Variants in MYO3B observed in about 807,000 individuals in gnomAD.
MYO3B encodes myosin IIIB.
In MYO3B, 156 loss-of-function variants were observed where a neutral mutation model predicts 174.6. The ratio of observed to expected loss-of-function variants is 0.89; its 90% CI spans 0.78 to 1.02. The LOEUF (loss-of-function observed/expected upper bound fraction) is 1.02. MYO3B is among the 50% of genes least tolerant of loss of function. The pLI, the probability that MYO3B is intolerant of heterozygous loss-of-function variation, is 0.00. For synonymous variants in MYO3B, 563 were observed against 569.1 expected (o/e 0.99, Z 0.15); for missense variants, 1,632 against 1,639.4 (o/e 1.00, Z 0.08).
At chr2:170,601,586 G>GA (rs36064306) in intron 32 of MYO3B, 3 of 1,094,728 alleles carry the variant, frequency 2.7e-6, no homozygotes, top group Non-Finnish European at 2.8e-6. Flanking sequence ...TATAGACAAG[G>GA]AAAAAAACTA....
intron 25 of MYO3B, among the ~76,000 whole-genome samples, chr2:170,468,712 G>T (rs1480858029): frequency 6.6e-6 from 1 of 152,188 alleles, no homozygotes; most frequent in African/African-American, 2.4e-5. Context: ...GGAAATGCTG[G>T]AGCCACACTG....
At chr2:170,426,487 C>G (rs971106348) in intron 22 of MYO3B, among the ~76,000 whole-genome samples, 1 of 151,444 alleles carries the variant, frequency 6.6e-6, no homozygotes, top group Non-Finnish European at 1.5e-5. Context: ...AGGCACCCAC[C>G]ACCATGCCCG....
intron 2 of MYO3B, 32 bp downstream of exon 2, chr2:170,199,423 T>G: frequency 6.5e-7 from 1 of 1,526,952 alleles, no homozygotes; most frequent in Non-Finnish European, 8.9e-7. Context: ...TAACCAGAAT[T>G]TGGTGTTTTA....
chr2:170,245,919 T>A (rs2105319832), intron 7 of MYO3B, among the ~76,000 whole-genome samples: 1 of 152,204 alleles, frequency 6.6e-6, no homozygotes, highest in East Asian at 1.9e-4. Context: ...CCCTAGAACT[T>A]AAAGTATAAT....
At chr2:170,496,694 G>C (rs922195014) in intron 25 of MYO3B, among the ~76,000 whole-genome samples, 2 of 151,470 alleles carry the variant, frequency 1.3e-5, no homozygotes, top group African/African-American at 2.4e-5. Flanking sequence ...ACCCAGGCTA[G>C]AGTGCAGTGG....
rs1224944106 is a variant in MYO3B, at chr2:170,648,753, TTA to T, written c.3734-2868_3734-2867del. Reference sequence around the variant, plus strand: ...TATATATTATATTCTATATAATGTATTATATATAGAATATAATATATTCTATG... The same window carrying T: ...TATATATTATATTCTATATAATGTATTATATAGAATATAATATATTCTATG... On this transcript the variant is annotated intron_variant, in intron 32 of 34. Transcript: ENST00000408978. 3.4e-3 allele frequency among the ~76,000 whole-genome samples: 362 copies of T among 107,288 alleles called. 2 individuals carry two copies. The highest frequency in any genetic ancestry group is 5.7e-3 in the African/African-American group (165 of 29,062). The allele number at this position is 107,288 out of a possible 152,430, so 70.4% of individuals were successfully genotyped here. A position where few individuals can be genotyped will look rare whatever the true frequency, so the allele number is the denominator to read the frequency against.
intron 7 of MYO3B, among the ~76,000 whole-genome samples, chr2:170,266,943 G>A (rs1224902561): frequency 2.6e-5 from 4 of 152,116 alleles, no homozygotes; most frequent in African/African-American, 9.7e-5. Flanking sequence ...AAGTTTACAG[G>A]TAATTAGAAT....
rs1418743891 is a variant in MYO3B at position 170,236,016 on chromosome 2, A to T, written c.629A>T (p.Asp210Val). ...PEVIACEQQY[D>V]SSYDARCDVW... ...GTCATTGCCTGTGAGCAGCAGTATG[A>T]CTCTTCCTATGACGCTCGCTGTGAC... The change falls in exon 7 of 35, where the codon GAC becomes GTC. Residue 210 changes from aspartate to valine, a missense_variant. By Grantham distance (152) the Asp-to-Val change is radical (BLOSUM62 -3). Coordinates refer to ENST00000408978, the MANE Select transcript of MYO3B (RefSeq NM_138995.5). 6.2e-7 allele frequency: 1 copy of T among 1,613,760 alleles called. No individual in the cohort carries two copies. The highest frequency in any genetic ancestry group is 2.2e-5 in the East Asian group (1 of 44,848).
chr2:170,552,580 GA>G (rs1242695344), intron 32 of MYO3B, among the ~76,000 whole-genome samples: 2 of 152,200 alleles, frequency 1.3e-5, no homozygotes, highest in Non-Finnish European at 2.9e-5. Flanking sequence ...GAAATGACCT[GA>G]AACTAGAACG....
intron 32 of MYO3B, among the ~76,000 whole-genome samples, chr2:170,611,908 A>G (rs564660833): frequency 2.6e-5 from 4 of 152,264 alleles, no homozygotes; most frequent in African/African-American, 9.6e-5. Flanking sequence ...TCACAGATCA[A>G]TTTTTGAATC....
At chr2:170,288,518 T>G (rs2105411291) in intron 7 of MYO3B, among the ~76,000 whole-genome samples, 1 of 152,212 alleles carries the variant, frequency 6.6e-6, no homozygotes, top group East Asian at 1.9e-4. Context: ...TTGATTTTTT[T>G]GTTTGCTCTT....
intron 3 of MYO3B, among the ~76,000 whole-genome samples, chr2:170,212,174 C>G (rs1468229656): frequency 6.7e-6 from 1 of 149,018 alleles, no homozygotes; most frequent in Non-Finnish European, 1.5e-5. Context: ...ACCCAGGGGG[C>G]GGAGTTTGTG....
chr2:170,640,308 A>T (rs1490278793), intron 32 of MYO3B: 1 of 152,268 alleles, frequency 6.6e-6, no homozygotes, highest in African/African-American at 2.4e-5. Flanking sequence ...AAGAAATACA[A>T]CAGCCCCTTC....
At chr2:170,598,809 A>C (rs1473734561) in intron 32 of MYO3B, among the ~76,000 whole-genome samples, 1 of 152,238 alleles carries the variant, frequency 6.6e-6, no homozygotes, top group Non-Finnish European at 1.5e-5. Flanking sequence ...TAACAGTACA[A>C]ATCTTTCAGA....
At chr2:170,594,421 A>G (rs1023312102) in intron 32 of MYO3B, among the ~76,000 whole-genome samples, 1 of 152,198 alleles carries the variant, frequency 6.6e-6, no homozygotes, top group South Asian at 2.1e-4. Context: ...TACAGGTTAC[A>G]TGATTTTAGT....
chr2:170,217,568 A>C (rs1422604745), intron 6 of MYO3B, among the ~76,000 whole-genome samples, 173 bp downstream of exon 6: 1 of 152,252 alleles, frequency 6.6e-6, no homozygotes, highest in Non-Finnish European at 1.5e-5. Context: ...ATGTAACCTC[A>C]GAAAAGCAAG....
In MYO3B at chr2:170,546,596, C is replaced by A. The variant is rs1448002329; in HGVS notation, c.3733+2608C>A. Reference sequence around the variant, plus strand: ...GTTTAGACATGAAGACGTGAGAAAACACTATATGTAAATCGAATTCCCCTT... The same window carrying A: ...GTTTAGACATGAAGACGTGAGAAAAAACTATATGTAAATCGAATTCCCCTT... On this transcript the variant is annotated intron_variant, in intron 32 of 34. Transcript: ENST00000408978. 2.6e-5 allele frequency among the ~76,000 whole-genome samples: 4 copies of A among 152,218 alleles called. No individual in the cohort carries two copies. In the East Asian group the frequency reaches 7.7e-4, roughly 29 times the overall value.
intron 16 of MYO3B, among the ~76,000 whole-genome samples, chr2:170,393,675 G>A (rs2094428059): frequency 6.6e-6 from 1 of 152,160 alleles, no homozygotes; most frequent in African/African-American, 2.4e-5. Context: ...TTACTTCTGT[G>A]TAATGCAGTA....
At chr2:170,639,351 G>T (rs756337703) in intron 32 of MYO3B, among the ~76,000 whole-genome samples, 3 of 152,162 alleles carry the variant, frequency 2.0e-5, no homozygotes, top group Non-Finnish European at 4.4e-5. Context: ...AGTTAATGCT[G>T]TTTTCCCACT....
Sources: gnomAD v4.1 joint callset for allele counts (sites outside exome capture counted in the v4.1 genomes callset) on GRCh38, gnomAD v4.1.1 for gene constraint, MANE v1.5 for transcripts, NCBI Gene and HGNC (gene_info 2026-07-23, HGNC 2026-07-21) for gene names.